Variants in ANKRD13D observed in about 807,000 individuals in gnomAD.
The protein encoded by ANKRD13D is ankyrin repeat domain-containing protein 13D.
A neutral mutation model predicts 68.8 loss-of-function variants in ANKRD13D; 24 were observed. The ratio of observed to expected loss-of-function variants is 0.35; its 90% confidence interval spans 0.25 to 0.49. The LOEUF is 0.49. Ranked by LOEUF, ANKRD13D falls within the 20% of genes least tolerant of loss-of-function variation. The pLI, the probability that ANKRD13D is intolerant of heterozygous loss-of-function variation, is 0.99. For synonymous variants in ANKRD13D, 331 were observed against 336.1 expected (o/e 0.98, Z 0.16); for missense variants, 735 against 832.1 (o/e 0.88, Z 1.44).
At chr11:67,290,254 C>G (rs144267578) in intron 2 of ANKRD13D, 41 bp downstream of exon 2, 22,148 of 1,544,266 alleles carry the variant, frequency 0.014, 201 homozygotes, top group Non-Finnish European at 0.018. Context: ...GGCTGGCAGG[C>G]GGGGGGCAGT....
At chr11:67,289,708 C>G in intron 1 of ANKRD13D, 158 bp downstream of exon 1, 1 of 1,350,688 alleles carries the variant, frequency 7.4e-7, no homozygotes, top group African/African-American at 1.5e-5. Context: ...GTCACCGGCC[C>G]CTCGCGCCTG....
chr11:67,290,603 G>T (rs1234720779), intron 3 of ANKRD13D, 157 bp downstream of exon 3: 2 of 1,202,916 alleles, frequency 1.7e-6, no homozygotes, highest in South Asian at 3.3e-5. Context: ...CCAGGGTCAC[G>T]TAGGAAAGAG....
intron 6 of ANKRD13D, among the ~76,000 whole-genome samples, chr11:67,295,183 C>T (rs541177457): frequency 2.4e-3 from 352 of 149,528 alleles, no homozygotes; most frequent in Non-Finnish European, 4.2e-3. Context: ...TTTGGGAGGC[C>T]GAGGTGGGTG....
chr11:67,300,065 T>C lies in ANKRD13D; in HGVS notation c.1015T>C (p.Phe339Leu). 3 of 1,614,020 alleles carry C rather than the reference T, an allele frequency of 1.9e-6. No homozygotes were observed. The highest frequency in any genetic ancestry group is 1.7e-6 in the Non-Finnish European group (2 of 1,179,944). The change falls in exon 10 of 15, where the codon TTC (phenylalanine) becomes CTC (leucine). Residue 339 changes from phenylalanine to leucine, a missense_variant. Phe to Leu is a conservative substitution (Grantham distance 22). Coordinates refer to ENST00000511455, the MANE Select transcript of ANKRD13D (RefSeq NM_207354.3). This position sits in a 1 kb window ranked among gnomAD's most constrained non-coding sequence, Gnocchi z 4.3. The part of the protein sequence containing the change: ...ISPEEYFDPN[F>L]SLESRNIGRP... ...CCCTGAGGAGTACTTCGACCCCAAC[T>C]TCAGCCTGGAGTCACGGAACATTGG...
intron 3 of ANKRD13D, 162 bp from the exon 4 acceptor site, chr11:67,291,314 C>T (rs1449828592): frequency 2.1e-5 from 16 of 763,632 alleles, no homozygotes; most frequent in Middle Eastern, 3.8e-4. Context: ...GCCGAGATTG[C>T]ACCACTACAC....
chr11:67,295,004 A>G (rs988789058), intron 6 of ANKRD13D, among the ~76,000 whole-genome samples: 1 of 152,138 alleles, frequency 6.6e-6, no homozygotes, highest in Non-Finnish European at 1.5e-5. Flanking sequence ...TTTTTAACAT[A>G]TAAGATTATG....
Position 67,289,416 on chromosome 11 carries a change from G to C in ANKRD13D, c.-45G>C. 1.4e-6 allele frequency: 2 copies of C among 1,380,538 alleles called. No homozygotes were observed. Among genetic ancestry groups the C allele is most frequent in the Non-Finnish European group, 1.9e-6 (2 of 1,069,544 alleles). The allele number at this position is 1,380,538 out of a possible 1,614,324, so 85.5% of individuals were successfully genotyped here. On this transcript the variant is annotated 5_prime_UTR_variant, in exon 1 of 15. Transcript: ENST00000511455. Reference sequence around the variant, plus strand: ...GAGGGGAGGCTAGGGGGCCGTGCCAGGCCCGAAGCCGAGGCGGGGCCGGGA... The same window carrying C: ...GAGGGGAGGCTAGGGGGCCGTGCCACGCCCGAAGCCGAGGCGGGGCCGGGA...
chr11:67,299,990 C>T lies in ANKRD13D; in HGVS notation c.943-3C>T. 6.2e-7 allele frequency: 1 copy of T among 1,611,616 alleles called. No individual in the cohort carries two copies. The highest frequency in any genetic ancestry group is 8.5e-7 in the Non-Finnish European group (1 of 1,178,598). On this transcript the variant is annotated splice_region_variant and splice_polypyrimidine_tract_variant and intron_variant, in intron 9 of 14. Transcript: ENST00000511455. The surrounding 1 kb of genome is among the most constrained non-coding windows in gnomAD (Gnocchi z 6.2). ...GGCTGAGTCCGCCCTGGGACCCACG[C>T]AGGCCCCCGTGCAGCAGGCAGCCAG...
chr11:67,290,620 C>G (rs749637693), intron 3 of ANKRD13D, 174 bp downstream of exon 3: 1 of 1,059,510 alleles, frequency 9.4e-7, no homozygotes, highest in Non-Finnish European at 1.3e-6. Context: ...AGAGAGACGG[C>G]CAGGCTCACG....
In ANKRD13D at chr11:67,301,515, C is replaced by G; in HGVS notation, c.1376C>G (p.Pro459Arg). Residue 459 changes from proline (P) to arginine (R), a missense_variant, in exon 13 of 15, where the codon CCC (proline) becomes CGC (arginine). Coordinates refer to ENST00000511455, the MANE Select transcript of ANKRD13D (RefSeq NM_207354.3). This position sits in a 1 kb window ranked among gnomAD's most constrained non-coding sequence, Gnocchi z 4.5. ...AACCCTTTCCCGTGCGAGGTGGACC[C>G]CACCGTGTTTGAAGTGCCCAACGGG... ...SGNPFPCEVD[P>R]TVFEVPNGYS... is the part of the protein sequence containing the mutation. The G allele has an allele frequency of 6.2e-7, 1 of 1,613,086 alleles. No individual in the cohort carries two copies. The highest frequency in any genetic ancestry group is 8.5e-7 in the Non-Finnish European group (1 of 1,179,920).
Position 67,300,082 on chromosome 11 carries a change from G to A in ANKRD13D, c.1032G>A (p.Arg344=), listed in dbSNP as rs745933553. 3.2e-5 allele frequency: 51 copies of A among 1,613,980 alleles called. No individual in the cohort carries two copies. Among genetic ancestry groups the A allele is most frequent in the Admixed American group, 2.7e-4 (16 of 59,996 alleles). Residue 344 remains arginine, a synonymous_variant, in exon 10 of 15, where the codon CGG becomes CGA. Coordinates refer to ENST00000511455, the MANE Select transcript of ANKRD13D (RefSeq NM_207354.3). The surrounding 1 kb of genome is among the most constrained non-coding windows in gnomAD (Gnocchi z 4.3). ...YFDPNFSLES[R]NIGRPIEMSS... is the part of the protein sequence containing the mutation. ...ACCCCAACTTCAGCCTGGAGTCACGGAACATTGGCCGCCCCATCGAGATGT... is the reference window on the plus strand; with the variant it reads ...ACCCCAACTTCAGCCTGGAGTCACGAAACATTGGCCGCCCCATCGAGATGT...
At chr11:67,298,453 G>C (rs964900212) in intron 6 of ANKRD13D, 1 of 154,528 alleles carries the variant, frequency 6.5e-6, no homozygotes, top group Non-Finnish European at 1.4e-5. Flanking sequence ...ATTGGGTAGA[G>C]TGTTCTAGCC....
rs561453787 is a variant in ANKRD13D, at chr11:67,301,857, C to T, written c.1604+34C>T. ...CTCATGGGGCTGGCTGGGTCCCTGTCCCCCCAGCCCTGGCTTGGCGGGGAG... is the reference window on the plus strand; with the variant it reads ...CTCATGGGGCTGGCTGGGTCCCTGTTCCCCCAGCCCTGGCTTGGCGGGGAG... On this transcript the variant is annotated intron_variant, in intron 14 of 14. Coordinates refer to ENST00000511455, the MANE Select transcript of ANKRD13D (RefSeq NM_207354.3). The surrounding 1 kb of genome is among the most constrained non-coding windows in gnomAD (Gnocchi z 4.5). The T allele has an allele frequency of 1.9e-6, 3 of 1,550,620 alleles. No homozygotes were observed. Among genetic ancestry groups the T allele is most frequent in the Admixed American group, 2.0e-5 (1 of 50,568 alleles).
At chr11:67,290,636 GA>G in intron 3 of ANKRD13D, 190 bp downstream of exon 3, 1 of 888,876 alleles carries the variant, frequency 1.1e-6, no homozygotes, top group Non-Finnish European at 1.6e-6. Flanking sequence ...TCACGTGGGA[GA>G]GACTGGACCC....
In ANKRD13D at chr11:67,301,861, C is replaced by T. The variant is rs1380453905; in HGVS notation, c.1604+38C>T. ...TGGGGCTGGCTGGGTCCCTGTCCCC[C>T]CAGCCCTGGCTTGGCGGGGAGGGGG... On this transcript the variant is annotated intron_variant, in intron 14 of 14. Transcript: ENST00000511455. The surrounding 1 kb of genome is among the most constrained non-coding windows in gnomAD (Gnocchi z 4.5). 1 of 1,548,430 alleles carries T rather than the reference C, an allele frequency of 6.5e-7. No individual in the cohort carries two copies. The highest frequency in any genetic ancestry group is 2.4e-5 in the East Asian group (1 of 42,336).
Position 67,292,039 on chromosome 11 carries a change from A to G in ANKRD13D, c.590A>G (p.His197Arg), listed in dbSNP as rs746888903. 1.3e-6 allele frequency: 2 copies of G among 1,599,038 alleles called. No individual in the cohort carries two copies. The highest frequency in any genetic ancestry group is 2.3e-5 in the East Asian group (1 of 44,442). ...GTGGACCATGACCGGCAGGTGGTGC[A>G]TGTGGAGACACTGGGGCTCACTCTG... Reference protein sequence around the residue: ...MEVDHDRQVVHVETLGLTLQE... With the variant: ...MEVDHDRQVVRVETLGLTLQE... Residue 197 changes from histidine to arginine, a missense_variant, in exon 6 of 15, where the codon CAT becomes CGT. Physicochemically the swap from His to Arg is conservative, Grantham distance 29. Coordinates refer to ENST00000511455, the MANE Select transcript of ANKRD13D (RefSeq NM_207354.3).
At chr11:67,295,085 T>TA (rs1200105182) in intron 6 of ANKRD13D, among the ~76,000 whole-genome samples, 1 of 152,204 alleles carries the variant, frequency 6.6e-6, no homozygotes, top group Non-Finnish European at 1.5e-5. Flanking sequence ...TTTTCTTGCT[T>TA]AATTGCTCTG....
chr11:67,292,002 C>G lies in ANKRD13D; in HGVS notation c.553C>G (p.Leu185Val), dbSNP rs566719888. 1.3e-6 allele frequency: 2 copies of G among 1,583,428 alleles called. No individual in the cohort carries two copies. The highest frequency in any genetic ancestry group is 2.3e-5 in the East Asian group (1 of 44,226). The change falls in exon 6 of 15, where the codon CTG becomes GTG. Residue 185 changes from leucine (L) to valine (V), a missense_variant. Coordinates refer to ENST00000511455, the MANE Select transcript of ANKRD13D (RefSeq NM_207354.3). Reference protein sequence around the residue: ...FIFKGQEAGALVMEVDHDRQV... With the variant: ...FIFKGQEAGAVVMEVDHDRQV... ...CTACCGGCCGGCAGAGGCAGGAGCCCTGGTGATGGAAGTGGACCATGACCG... is the reference window on the plus strand; with the variant it reads ...CTACCGGCCGGCAGAGGCAGGAGCCGTGGTGATGGAAGTGGACCATGACCG...
intron 6 of ANKRD13D, among the ~76,000 whole-genome samples, chr11:67,295,183 C>A (rs541177457): frequency 6.7e-6 from 1 of 149,552 alleles, no homozygotes; most frequent in East Asian, 2.0e-4. Context: ...TTTGGGAGGC[C>A]GAGGTGGGTG....
Sources: gnomAD v4.1 joint callset for allele counts (sites outside exome capture counted in the v4.1 genomes callset) on GRCh38, gnomAD v4.1.1 for gene constraint, Gnocchi (gnomAD v3.1) non-coding constraint, MANE v1.5 for transcripts, NCBI Gene and HGNC (gene_info 2026-07-23, HGNC 2026-07-21) for gene names.